The following C9 variants were observed in gnomAD, a reference collection of about 807,000 sequenced individuals.
C9 encodes complement component C9.
C9 carries 63 observed loss-of-function variants against 65.4 expected under a neutral mutation model. The ratio of observed to expected loss-of-function variants is 0.96; its 90% CI spans 0.79 to 1.19. The LOEUF (loss-of-function observed/expected upper bound fraction) is 1.19. Among genes scored for constraint, C9 ranks in the 50% most tolerant of loss-of-function variants. C9 has a pLI of 0.00. For missense variants in C9, 744 were observed against 670.1 expected, an observed-to-expected ratio of 1.11 and a Z score of -1.22; for synonymous variants, 229 against 227.9, an observed-to-expected ratio of 1.00 and a Z score of -0.04.
chr5:39,285,240 A>G lies in C9; in HGVS notation c.1646-7T>C. The G allele has an allele frequency of 9.3e-6, 15 of 1,610,752 alleles. No homozygotes were observed. The highest frequency in any genetic ancestry group is 2.2e-5 in the East Asian group (1 of 44,848). On this transcript the variant is annotated splice_region_variant and splice_polypyrimidine_tract_variant and intron_variant, in intron 10 of 10. Coordinates refer to ENST00000263408, the MANE Select transcript of C9 (RefSeq NM_001737.5). The stretch of plus-strand genomic sequence containing the variant: ...AACTCTAGGGCTGGCAATCCTAGAG[A>G]AAACAAATAAGTATCAAATCTTAAT...
Position 39,331,149 on chromosome 5 carries a change from G to A in C9, c.615+527C>T, listed in dbSNP as rs189564854. On this transcript the variant is annotated intron_variant, in intron 5 of 10. Transcript: ENST00000263408. ...CTGTCATTGTTCTAGAGAATTAGGT[G>A]ACTTTAAGAAAGATAGCTAAGTTTG... is the stretch of plus-strand genomic sequence containing the variant. Among the ~76,000 whole-genome samples, 145 of 152,268 alleles carry A rather than the reference G, an allele frequency of 9.5e-4. 1 individual carries two copies. Among genetic ancestry groups the A allele is most frequent in the African/African-American group, 3.4e-3 (141 of 41,550 alleles).
rs545196290 is a variant in C9 at position 39,317,648 on chromosome 5, G to T, written c.616-1619C>A. Among the ~76,000 whole-genome samples, 188 of 152,232 alleles carry T rather than the reference G, an allele frequency of 1.2e-3. 2 individuals are homozygous for T. The Middle Eastern group carries it at 0.014, about 11-fold the overall frequency. On this transcript the variant is annotated intron_variant, in intron 5 of 10. Transcript: ENST00000263408. Reference sequence around the variant, plus strand: ...GGTCAGAGTTGTTGAAGATTAGATGGTTGTAGGTGTGCAGTCTTATTTCTG... The same window carrying T: ...GGTCAGAGTTGTTGAAGATTAGATGTTTGTAGGTGTGCAGTCTTATTTCTG...
rs137953033 is a variant in C9, at chr5:39,315,715, T to TTAAAA, written c.870+59_870+60insTTTTA. 6.7e-3 allele frequency: 8,433 copies of TTAAAA among 1,253,262 alleles called. 319 individuals are homozygous for TTAAAA. In the African/African-American group the frequency reaches 0.097, roughly 14 times the overall value. The allele number at this position is 1,253,262 out of a possible 1,614,324, so 77.6% of individuals were successfully genotyped here. On this transcript the variant is annotated intron_variant, in intron 6 of 10. Transcript: ENST00000263408. ...TATGATTTCTATTTGCTCAAAATAC[T>TTAAAA]TAAAGAGTCTGGGTAGTTTGGAACC... is the stretch of plus-strand genomic sequence containing the variant.
In C9 at chr5:39,364,369, A is replaced by G. The variant is rs757766453; in HGVS notation, c.77+19T>C. On this transcript the variant is annotated intron_variant, in intron 1 of 10. Coordinates refer to ENST00000263408, the MANE Select transcript of C9 (RefSeq NM_001737.5). ...CTACAGGAAACTTCCAGAGACAAGC[A>G]GAAAAGTAACTGACTCACCTGGTCG... 1 of 1,458,046 alleles carries G rather than the reference A, an allele frequency of 6.9e-7. No individual in the cohort carries two copies. The highest frequency in any genetic ancestry group is 9.6e-7 in the Non-Finnish European group (1 of 1,037,294). The allele number at this position is 1,458,046 out of a possible 1,614,324, so 90.3% of individuals were successfully genotyped here. A position where few individuals can be genotyped will look rare whatever the true frequency, so the allele number is the denominator to read the frequency against.
At chr5:39,333,778 G>A (rs2111934621) in intron 4 of C9, among the ~76,000 whole-genome samples, 1 of 151,684 alleles carries the variant, frequency 6.6e-6, no homozygotes, top group South Asian at 2.1e-4. Context: ...CGCCTGACTG[G>A]TTTTCGTATT....
At chr5:39,349,806 C>G (rs963373994) in intron 1 of C9, among the ~76,000 whole-genome samples, 4 of 152,102 alleles carry the variant, frequency 2.6e-5, no homozygotes, top group African/African-American at 9.7e-5. Flanking sequence ...TCTTTCATTT[C>G]TTTTTTCTTC....
chr5:39,352,080 G>A (rs1297390222), intron 1 of C9, among the ~76,000 whole-genome samples: 1 of 152,100 alleles, frequency 6.6e-6, no homozygotes, highest in Non-Finnish European at 1.5e-5. Flanking sequence ...ATGGTGGAAG[G>A]GTGAAGGGGA....
At chr5:39,335,711 G>A (rs1374984098) in intron 4 of C9, among the ~76,000 whole-genome samples, 2 of 152,182 alleles carry the variant, frequency 1.3e-5, no homozygotes, top group Non-Finnish European at 2.9e-5. Flanking sequence ...TAGAAAGGGA[G>A]GATTGTACTT....
At chr5:39,346,315 G>A (rs1261007478) in intron 1 of C9, among the ~76,000 whole-genome samples, 5 of 152,028 alleles carry the variant, frequency 3.3e-5, no homozygotes, top group Admixed American at 6.6e-5. Context: ...TCAAATAGAT[G>A]CAACAAAAAA....
chr5:39,287,787 C>T lies in C9; in HGVS notation c.1645+936G>A, dbSNP rs141739925. Among the ~76,000 whole-genome samples the T allele has an allele frequency of 1.4e-3, 206 of 151,848 alleles. 1 individual carries two copies. In the South Asian group the frequency reaches 0.028, roughly 21 times the overall value. ...GAGCTGAACAATGGGTATGTATGGACATAAAGAAGGAAATAATAGACAGTG... is the reference window on the plus strand; with the variant it reads ...GAGCTGAACAATGGGTATGTATGGATATAAAGAAGGAAATAATAGACAGTG... On this transcript the variant is annotated intron_variant, in intron 10 of 10. Coordinates refer to ENST00000263408, the MANE Select transcript of C9 (RefSeq NM_001737.5).
At chr5:39,300,238 C>A (rs893183352) in intron 9 of C9, among the ~76,000 whole-genome samples, 2 of 151,952 alleles carry the variant, frequency 1.3e-5, no homozygotes, top group African/African-American at 4.8e-5. Context: ...CATGGTGAAA[C>A]CTGTTTCTAC....
rs182243824 is a variant in C9 at position 39,341,204 on chromosome 5, G to A, written c.418C>T (p.Pro140Ser). The part of the protein sequence containing the change: ...DEDDCESEPR[P>S]PCRDRVVEES... ...TCTACCACTCTGTCTCTGCAGGGGGGACGGGGCTCACTTTCACAATCATCC... is the reference window on the plus strand; with the variant it reads ...TCTACCACTCTGTCTCTGCAGGGGGAACGGGGCTCACTTTCACAATCATCC... Residue 140 changes from proline to serine, a missense_variant, in exon 4 of 11, where the codon CCC (proline) becomes TCC (serine). Transcript: ENST00000263408. 85 of 1,614,016 alleles carry A rather than the reference G, an allele frequency of 5.3e-5. No individual in the cohort carries two copies. Among genetic ancestry groups the A allele is most frequent in the Non-Finnish European group, 6.8e-5 (80 of 1,180,016 alleles).
chr5:39,302,815 G>C (rs1458097341), intron 9 of C9, among the ~76,000 whole-genome samples: 1 of 152,110 alleles, frequency 6.6e-6, no homozygotes, highest in African/African-American at 2.4e-5. Context: ...CTAGTGCATT[G>C]AGTAAGACAC....
chr5:39,331,292 G>T (rs28435313), intron 5 of C9, among the ~76,000 whole-genome samples: 4,552 of 152,234 alleles, frequency 0.03, 210 homozygotes, highest in African/African-American at 0.1. Context: ...ATAGGCGGAT[G>T]CTGAAGGAAA....
rs770258299 is a variant in C9, at chr5:39,331,808, G to A, written c.483C>T (p.Asn161=). The A allele has an allele frequency of 1.9e-6, 3 of 1,613,258 alleles. No homozygotes were observed. The African/African-American group carries it at 4.0e-5, about 22-fold the overall frequency. The part of the protein sequence containing the change: ...ELARTAGYGI[N]ILGMDPLSTP... Reference sequence around the variant, plus strand: ...TGCTTAGGGGATCCATCCCTAAAATGTTGATCCTGAGAATGAACAGAGTAG... The same window carrying A: ...TGCTTAGGGGATCCATCCCTAAAATATTGATCCTGAGAATGAACAGAGTAG... Residue 161 remains asparagine, a synonymous_variant, in exon 5 of 11, where the codon AAC becomes AAT. Coordinates refer to ENST00000263408, the MANE Select transcript of C9 (RefSeq NM_001737.5).
At chr5:39,348,450 G>A (rs1442072931) in intron 1 of C9, among the ~76,000 whole-genome samples, 3 of 152,142 alleles carry the variant, frequency 2.0e-5, no homozygotes, top group Non-Finnish European at 2.9e-5. Context: ...TCAGAGAAAC[G>A]CAAATCAAAA....
At chr5:39,350,192 C>T (rs1349432997) in intron 1 of C9, among the ~76,000 whole-genome samples, 1 of 152,140 alleles carries the variant, frequency 6.6e-6, no homozygotes, top group Non-Finnish European at 1.5e-5. Context: ...GGAAGTACTA[C>T]ACAGTTTTTA....
At chr5:39,339,201 G>A (rs781770625) in intron 4 of C9, among the ~76,000 whole-genome samples, 1 of 152,178 alleles carries the variant, frequency 6.6e-6, no homozygotes, top group East Asian at 1.9e-4. Context: ...TACTAAGAGG[G>A]CCTGCAGAAC....
intron 10 of C9, among the ~76,000 whole-genome samples, chr5:39,287,905 A>T (rs1398201221): frequency 6.6e-6 from 1 of 151,974 alleles, no homozygotes; most frequent in African/African-American, 2.4e-5. Context: ...TGCGTACACC[A>T]GAGGCCCAAA....
Sources: gnomAD v4.1 joint callset for allele counts (sites outside exome capture counted in the v4.1 genomes callset) on GRCh38, gnomAD v4.1.1 for gene constraint, MANE v1.5 for transcripts, NCBI Gene and HGNC (gene_info 2026-07-23, HGNC 2026-07-21) for gene names.